The following DHRSX variants were observed in gnomAD, a reference collection of about 807,000 sequenced individuals.
The protein encoded by DHRSX is dehydrogenase/reductase X-linked.
A neutral mutation model predicts 34.0 loss-of-function variants in DHRSX; 31 were observed. The ratio of observed to expected loss-of-function variants is 0.91; its 90% confidence interval spans 0.69 to 1.23. The LOEUF (loss-of-function observed/expected upper bound fraction) is 1.23. DHRSX is among the 50% of genes most tolerant of loss of function. The probability of loss-of-function intolerance (pLI) is 0.00; values close to 1 mark genes in which losing one functional copy is unlikely to be tolerated. For synonymous variants in DHRSX, 201 were observed against 183.8 expected, an observed-to-expected ratio of 1.09 and a Z score of -0.76; for missense variants, 414 against 428.1, an observed-to-expected ratio of 0.97 and a Z score of 0.29.
At chrX:2,360,202 A>G (rs182826205) in intron 3 of DHRSX, among the ~76,000 whole-genome samples, 1 of 151,932 alleles carries the variant, frequency 6.6e-6, no homozygotes, top group East Asian at 1.9e-4. Flanking sequence ...AAAGTGACAT[A>G]GAAGCAAAAA....
At chrX:2,273,768 T>C (rs1421158369) in intron 4 of DHRSX, among the ~76,000 whole-genome samples, 1 of 152,186 alleles carries the variant, frequency 6.6e-6, no homozygotes, top group Non-Finnish European at 1.5e-5. Context: ...CTTAGGATAA[T>C]GGCTTGCAGC....
At chrX:2,450,708 C>T (rs926609801) in intron 1 of DHRSX, among the ~76,000 whole-genome samples, 79 of 151,498 alleles carry the variant, frequency 5.2e-4, no homozygotes, top group Non-Finnish European at 1.0e-3. Flanking sequence ...GTGTCTCCTC[C>T]TTCTTGGAAA....
chrX:2,260,450 T>C (rs1000928221), intron 5 of DHRSX, among the ~76,000 whole-genome samples: 2 of 146,704 alleles, frequency 1.4e-5, no homozygotes, highest in African/African-American at 5.5e-5. Context: ...GTCTCCAAAT[T>C]TTCTACTTCA....
chrX:2,370,641 G>A (rs1447389455), intron 3 of DHRSX, among the ~76,000 whole-genome samples: 2 of 148,294 alleles, frequency 1.3e-5, no homozygotes, highest in Non-Finnish European at 3.0e-5. Context: ...ATGCTTCCAA[G>A]TCAGCCTAGG....
At chrX:2,432,212 A>T (rs1481135611) in intron 1 of DHRSX, among the ~76,000 whole-genome samples, 1 of 152,056 alleles carries the variant, frequency 6.6e-6, no homozygotes, top group Non-Finnish European at 1.5e-5. Context: ...AATTTTTTTT[A>T]ATTTAAAAAA....
chrX:2,492,671 C>T (rs1440518084), intron 1 of DHRSX, among the ~76,000 whole-genome samples: 1 of 151,706 alleles, frequency 6.6e-6, no homozygotes, highest in East Asian at 1.9e-4. Context: ...CACATGGAGA[C>T]AGAGGCAGAG....
intron 3 of DHRSX, among the ~76,000 whole-genome samples, chrX:2,371,971 C>T (rs1454319948): frequency 6.6e-6 from 1 of 152,170 alleles, no homozygotes; most frequent in Non-Finnish European, 1.5e-5. Context: ...GGACACTGGG[C>T]GCTTGCCAGA....
intron 1 of DHRSX, among the ~76,000 whole-genome samples, chrX:2,448,524 A>G (rs749209524): frequency 4.2e-4 from 63 of 148,714 alleles, no homozygotes; most frequent in African/African-American, 1.5e-3. Flanking sequence ...AGGTTATGTG[A>G]ATATGTTAAT....
intron 1 of DHRSX, among the ~76,000 whole-genome samples, chrX:2,461,055 C>A (rs905582539): frequency 2.8e-4 from 43 of 152,094 alleles, no homozygotes; most frequent in African/African-American, 9.2e-4. Context: ...CTTTATTATT[C>A]TTTGCAGTTT....
intron 3 of DHRSX, among the ~76,000 whole-genome samples, chrX:2,337,646 G>A (rs1047688366): frequency 4.6e-5 from 7 of 152,020 alleles, no homozygotes; most frequent in African/African-American, 1.7e-4. Flanking sequence ...TTAAATTGGA[G>A]ATGATGATAT....
intron 3 of DHRSX, among the ~76,000 whole-genome samples, chrX:2,401,345 A>G (rs1403341486): frequency 6.6e-6 from 1 of 152,176 alleles, no homozygotes; most frequent in Admixed American, 6.5e-5. Context: ...TCCTGACCTC[A>G]AGCTATCTGC....
At chrX:2,426,976 G>T (rs1263655160) in intron 1 of DHRSX, among the ~76,000 whole-genome samples, 1 of 152,184 alleles carries the variant, frequency 6.6e-6, no homozygotes, top group Admixed American at 6.5e-5. Flanking sequence ...AGATAAACAT[G>T]TTGTCTGCCT....
chrX:2,361,151 G>C (rs1281573482), intron 3 of DHRSX, among the ~76,000 whole-genome samples: 1 of 151,910 alleles, frequency 6.6e-6, no homozygotes, highest in Non-Finnish European at 1.5e-5. Context: ...TCACTCTGTC[G>C]CCAGGCTGGA....
intron 6 of DHRSX, among the ~76,000 whole-genome samples, chrX:2,222,905 G>A (rs1345839913): frequency 7.2e-5 from 11 of 152,270 alleles, no homozygotes; most frequent in Middle Eastern, 3.4e-3. Flanking sequence ...TCTGGGTGCC[G>A]AGCAAGGGGA....
chrX:2,484,638 A>C (rs1197999807), intron 1 of DHRSX, among the ~76,000 whole-genome samples: 1 of 152,162 alleles, frequency 6.6e-6, no homozygotes. Flanking sequence ...TCTGTTCACC[A>C]GGCAGGGGCA....
At chrX:2,365,391 C>T (rs1479292696) in intron 3 of DHRSX, among the ~76,000 whole-genome samples, 5 of 152,108 alleles carry the variant, frequency 3.3e-5, no homozygotes, top group Admixed American at 6.5e-5. Flanking sequence ...CCACCCATCT[C>T]GGCCTCCCAA....
intron 4 of DHRSX, among the ~76,000 whole-genome samples, chrX:2,282,736 G>C (rs1223458734): frequency 7.1e-6 from 1 of 140,940 alleles, no homozygotes; most frequent in Non-Finnish European, 1.5e-5. Flanking sequence ...GGGAGGGAGA[G>C]GGAGAATGGG....
chrX:2,407,615 T>C (rs985427666), intron 3 of DHRSX, among the ~76,000 whole-genome samples: 3 of 152,188 alleles, frequency 2.0e-5, no homozygotes, highest in African/African-American at 7.2e-5. Flanking sequence ...CCAAATCTTA[T>C]TCGGGAGCAT....
At position 2,447,186 on chromosome X, in the gene DHRSX, C is replaced by T. The variant is rs758499237; in HGVS notation, c.110-21882G>A. Among the ~76,000 whole-genome samples, 8 of 151,676 alleles carry T rather than the reference C, an allele frequency of 5.3e-5. No individual in the cohort carries two copies. The East Asian group carries it at 1.6e-3, about 30-fold the overall frequency. Reference sequence around the variant, plus strand: ...AGCTTGTGGCTAAGGGACCACCGCCCTGTACACAAACCGTGTACACACTGA... The same window carrying T: ...AGCTTGTGGCTAAGGGACCACCGCCTTGTACACAAACCGTGTACACACTGA... On this transcript the variant is annotated intron_variant, in intron 1 of 6. Coordinates refer to ENST00000334651, the MANE Select transcript of DHRSX (RefSeq NM_145177.3).
Sources: gnomAD v4.1 joint callset for allele counts (sites outside exome capture counted in the v4.1 genomes callset) on GRCh38, gnomAD v4.1.1 for gene constraint, MANE v1.5 for transcripts, NCBI Gene and HGNC (gene_info 2026-07-23, HGNC 2026-07-21) for gene names.